Variants in NUDT5 observed in about 807,000 individuals in gnomAD.
NUDT5 encodes the protein ADP-sugar pyrophosphatase.
Under a neutral mutation model 34.1 loss-of-function variants are expected in NUDT5, and 21 were observed. That is an observed-to-expected ratio of 0.62 (90% CI 0.44 to 0.89). NUDT5 has a LOEUF of 0.89. Ranked by LOEUF, NUDT5 falls within the 40% of genes least tolerant of loss-of-function variation. The pLI, the probability that NUDT5 is intolerant of heterozygous loss-of-function variation, is 0.00. For synonymous variants in NUDT5, 85 were observed against 97.6 expected (o/e 0.87, Z 0.76); for missense variants, 249 against 274.8 (o/e 0.91, Z 0.66).
At position 12,171,034 on chromosome 10, in the gene NUDT5, T is replaced by C; in HGVS notation, c.488-126A>G. ...GAAGCCTGGGTTTCTGCTAACTTAA[T>C]TTATATACATTGTCAAACTCGAGCA... On this transcript the variant is annotated intron_variant, in intron 7 of 9. Coordinates refer to ENST00000491614, the MANE Select transcript of NUDT5 (RefSeq NM_014142.4). The surrounding 1 kb of genome is among the most constrained non-coding windows in gnomAD (Gnocchi z 4.2). 2.1e-6 allele frequency: 2 copies of C among 944,604 alleles called. No individual in the cohort carries two copies. Among genetic ancestry groups the C allele is most frequent in the Non-Finnish European group, 3.2e-6 (2 of 619,392 alleles). The allele number at this position is 944,604 out of a possible 1,614,324, so 58.5% of individuals were successfully genotyped here. A position where few individuals can be genotyped will look rare whatever the true frequency, so the allele number is the denominator to read the frequency against.
At chr10:12,184,710 C>T (rs950500440) in intron 3 of NUDT5, among the ~76,000 whole-genome samples, 179 bp downstream of exon 3, 1 of 152,042 alleles carries the variant, frequency 6.6e-6, no homozygotes. Flanking sequence ...ACATTTACAA[C>T]CCAATTTTAT....
rs1306272536 is a variant in NUDT5, at chr10:12,169,969, C to T, written c.550+748G>A. ...ATATTCCCATGATGACAAGTGTCTGCTTCTTTCTAGATGAGTGAAAGGGAT... is the reference window on the plus strand; with the variant it reads ...ATATTCCCATGATGACAAGTGTCTGTTTCTTTCTAGATGAGTGAAAGGGAT... On this transcript the variant is annotated intron_variant, in intron 9 of 9. Coordinates refer to ENST00000491614, the MANE Select transcript of NUDT5 (RefSeq NM_014142.4). This position sits in a 1 kb window ranked among gnomAD's most constrained non-coding sequence, Gnocchi z 4.8. The T allele has an allele frequency of 4.4e-6, 3 of 674,930 alleles. No individual in the cohort carries two copies. The African/African-American group carries it at 5.4e-5, about 12-fold the overall frequency. 41.8% of individuals were successfully genotyped at this position (674,930 alleles called of 1,614,324 possible).
At position 12,169,976 on chromosome 10, in the gene NUDT5, C is replaced by T. The variant is rs1164076717; in HGVS notation, c.550+741G>A. On this transcript the variant is annotated intron_variant, in intron 9 of 9. Coordinates refer to ENST00000491614, the MANE Select transcript of NUDT5 (RefSeq NM_014142.4). This position sits in a 1 kb window ranked among gnomAD's most constrained non-coding sequence, Gnocchi z 4.8. ...CATGATGACAAGTGTCTGCTTCTTTCTAGATGAGTGAAAGGGATTTGCCAG... is the reference window on the plus strand; with the variant it reads ...CATGATGACAAGTGTCTGCTTCTTTTTAGATGAGTGAAAGGGATTTGCCAG... 2.8e-6 allele frequency: 2 copies of T among 708,714 alleles called. No homozygotes were observed. Among genetic ancestry groups the T allele is most frequent in the Non-Finnish European group, 4.9e-6 (2 of 407,870 alleles). The allele number at this position is 708,714 out of a possible 1,614,324, so 43.9% of individuals were successfully genotyped here. A position where few individuals can be genotyped will look rare whatever the true frequency, so the allele number is the denominator to read the frequency against.
chr10:12,186,872 C>G (rs1164446884), intron 1 of NUDT5, among the ~76,000 whole-genome samples: 1 of 152,052 alleles, frequency 6.6e-6, no homozygotes, highest in Non-Finnish European at 1.5e-5. Flanking sequence ...AGTGATCTGC[C>G]CTCCTTGGCC....
At chr10:12,186,990 C>T (rs183845770) in intron 1 of NUDT5, among the ~76,000 whole-genome samples, 25 of 152,178 alleles carry the variant, frequency 1.6e-4, no homozygotes, top group African/African-American at 4.6e-4. Context: ...ATTTACCACT[C>T]TCCATGCCCA....
chr10:12,189,132 G>A (rs1027882840), intron 1 of NUDT5, among the ~76,000 whole-genome samples: 3 of 152,096 alleles, frequency 2.0e-5, no homozygotes, highest in Admixed American at 6.5e-5. Flanking sequence ...TTGAGATGGA[G>A]TTTCGCTCTT....
At chr10:12,179,020 C>T (rs755497287) in intron 4 of NUDT5, 63 bp downstream of exon 4, 1 of 1,359,646 alleles carries the variant, frequency 7.4e-7, no homozygotes, top group Admixed American at 1.7e-5. Context: ...CCATTGAAAA[C>T]CCTCTTACGA....
At chr10:12,193,868 T>TC (rs1334529814) in intron 1 of NUDT5, among the ~76,000 whole-genome samples, 20 of 148,798 alleles carry the variant, frequency 1.3e-4, no homozygotes, top group Admixed American at 1.1e-3. Flanking sequence ...ATCTCTACAC[T>TC]CTTTTTTTTT....
At chr10:12,183,101 A>C (rs971936814) in intron 3 of NUDT5, among the ~76,000 whole-genome samples, 1 of 152,260 alleles carries the variant, frequency 6.6e-6, no homozygotes, top group Admixed American at 6.5e-5. Context: ...TTAATTTGAC[A>C]GGCAAAAGAG....
chr10:12,177,712 G>C, intron 5 of NUDT5, 81 bp downstream of exon 5: 1 of 1,005,076 alleles, frequency 9.9e-7, no homozygotes, highest in Non-Finnish European at 1.6e-6. Context: ...AAAAACTGCA[G>C]AGCTGAGCTT....
intron 1 of NUDT5, among the ~76,000 whole-genome samples, chr10:12,193,869 CTT>C (rs561906932): frequency 6.3e-5 from 9 of 143,916 alleles, no homozygotes; most frequent in South Asian, 2.2e-4. Context: ...TCTCTACACT[CTT>C]TTTTTTTTTT....
intron 4 of NUDT5, 123 bp from the exon 5 acceptor site, chr10:12,178,023 G>T: frequency 1.7e-6 from 1 of 598,848 alleles, no homozygotes; most frequent in South Asian, 2.2e-5. Flanking sequence ...CTACAATACT[G>T]GCAGTTAATA....
At chr10:12,177,450 C>T (rs554948547) in intron 5 of NUDT5, among the ~76,000 whole-genome samples, 18 of 152,084 alleles carry the variant, frequency 1.2e-4, no homozygotes, top group East Asian at 1.9e-4. Flanking sequence ...ACCCAGGAGG[C>T]GGAGGTTGCA....
Position 12,169,197 on chromosome 10 carries a change from G to C in NUDT5, c.551-1386C>G. On this transcript the variant is annotated intron_variant, in intron 9 of 9. Coordinates refer to ENST00000491614, the MANE Select transcript of NUDT5 (RefSeq NM_014142.4). The surrounding 1 kb of genome is among the most constrained non-coding windows in gnomAD (Gnocchi z 4.8). The stretch of plus-strand genomic sequence containing the variant: ...GTTCTTTTACCCCTCCTCCTTTATA[G>C]CCATAGTAGCCCTCTCTCCACCTCC... 1.8e-6 allele frequency: 2 copies of C among 1,118,566 alleles called. No individual in the cohort carries two copies. Among genetic ancestry groups the C allele is most frequent in the East Asian group, 2.6e-5 (1 of 38,146 alleles). 69.3% of individuals were successfully genotyped at this position (1,118,566 alleles called of 1,614,324 possible). A position where few individuals can be genotyped will look rare whatever the true frequency, so the allele number is the denominator to read the frequency against.
At chr10:12,183,929 T>A (rs547460321) in intron 3 of NUDT5, among the ~76,000 whole-genome samples, 1 of 152,364 alleles carries the variant, frequency 6.6e-6, no homozygotes, top group African/African-American at 2.4e-5. Flanking sequence ...ACTATAACAA[T>A]TCATTTCCTA....
Position 12,171,458 on chromosome 10 carries a change from C to T in NUDT5, c.488-550G>A, listed in dbSNP as rs114118242. ...TGTATGTGTGTTTGTGTGTATACCA[C>T]ACTTTGTGGATGCATTCATCTGCTG... is the stretch of plus-strand genomic sequence containing the variant. On this transcript the variant is annotated intron_variant, in intron 7 of 9. Transcript: ENST00000491614. The surrounding 1 kb of genome is among the most constrained non-coding windows in gnomAD (Gnocchi z 4.2). Among the ~76,000 whole-genome samples, 3,907 of 152,280 alleles carry T rather than the reference C, an allele frequency of 0.026. 160 individuals are homozygous for T. The highest frequency in any genetic ancestry group is 0.088 in the African/African-American group (3,670 of 41,550).
At chr10:12,172,916 T>G (rs2131701444) in intron 6 of NUDT5, 50 bp from the exon 7 acceptor site, 1 of 1,343,256 alleles carries the variant, frequency 7.4e-7, no homozygotes, top group Middle Eastern at 1.8e-4. Context: ...GGCATTTGTT[T>G]CACTATGGTC....
Position 12,195,803 on chromosome 10 carries a change from G to GCCGTATCATT in NUDT5, c.-76_-75insAATGATACGG. 7 of 217,618 alleles carry GCCGTATCATT rather than the reference G, an allele frequency of 3.2e-5. No individual in the cohort carries two copies. Among genetic ancestry groups the GCCGTATCATT allele is most frequent in the Admixed American group, 1.6e-4 (3 of 18,878 alleles). 13.5% of individuals were successfully genotyped at this position (217,618 alleles called of 1,614,324 possible). ...GTAGGGGTGAAGAACGGAAGAGGAC[G>GCCGTATCATT]AAATAACTAGCTGGAGGCAGCAGTG... On this transcript the variant is annotated 5_prime_UTR_variant, in exon 1 of 10. The change creates a new upstream start codon in the 5' untranslated region. Coordinates refer to ENST00000491614, the MANE Select transcript of NUDT5 (RefSeq NM_014142.4).
Position 12,187,581 on chromosome 10 carries a change from T to C in NUDT5, c.-41-1249A>G, listed in dbSNP as rs924846864. Among the ~76,000 whole-genome samples the C allele has an allele frequency of 2.0e-5, 3 of 152,194 alleles. No individual in the cohort carries two copies. The highest frequency in any genetic ancestry group is 7.2e-5 in the African/African-American group (3 of 41,450). ...ATAGAATTATAGACCCAAAGCCAGTTGTCTATGAAACTGTAAGGCATTGCT... is the reference window on the plus strand; with the variant it reads ...ATAGAATTATAGACCCAAAGCCAGTCGTCTATGAAACTGTAAGGCATTGCT... On this transcript the variant is annotated intron_variant, in intron 1 of 9. Coordinates refer to ENST00000491614, the MANE Select transcript of NUDT5 (RefSeq NM_014142.4). This position sits in a 1 kb window ranked among gnomAD's most constrained non-coding sequence, Gnocchi z 5.4.
Sources: gnomAD v4.1 joint callset for allele counts (sites outside exome capture counted in the v4.1 genomes callset) on GRCh38, gnomAD v4.1.1 for gene constraint, Gnocchi (gnomAD v3.1) non-coding constraint, MANE v1.5 for transcripts, NCBI Gene and HGNC (gene_info 2026-07-23, HGNC 2026-07-21) for gene names.